Variants in NVL observed in about 807,000 individuals in gnomAD.
NVL encodes nuclear VCP like.
Under a neutral mutation model 110.2 loss-of-function variants are expected in NVL, and 84 were observed. That is an observed-to-expected ratio of 0.76 (90% CI 0.64 to 0.91). NVL has a LOEUF of 0.91. Among genes scored for constraint, NVL ranks in the 40% least tolerant of loss-of-function variants. The pLI is 0.00. For synonymous variants in NVL, 354 were observed against 361.1 expected, an observed-to-expected ratio of 0.98 and a Z score of 0.22; for missense variants, 882 against 1,035.9, an observed-to-expected ratio of 0.85 and a Z score of 2.04.
chr1:224,247,131 G>C (rs181050552), intron 19 of NVL, among the ~76,000 whole-genome samples: 11 of 151,790 alleles, frequency 7.2e-5, no homozygotes, highest in Non-Finnish European at 1.6e-4. Flanking sequence ...AAGCTTGTTT[G>C]ATGCAAAGAA....
intron 20 of NVL, among the ~76,000 whole-genome samples, chr1:224,234,530 G>A (rs913744076): frequency 3.3e-5 from 5 of 151,298 alleles, no homozygotes; most frequent in Admixed American, 6.6e-5. Context: ...TTGGCTCACC[G>A]CAACCTCTGC....
chr1:224,287,868 G>A lies in NVL; in HGVS notation c.1701C>T (p.Ala567=), dbSNP rs1332346950. 1 of 1,614,050 alleles carries A rather than the reference G, an allele frequency of 6.2e-7. No homozygotes were observed. The highest frequency in any genetic ancestry group is 8.5e-7 in the Non-Finnish European group (1 of 1,180,006). ...IVALSSVQPS[A]KREGFVTVPN... ...GGACAGTGACAAAGCCTTCCCTTTT[G>A]GCAGAGGGTTGGACTGAGGATAGAG... The change falls in exon 14 of 23, where the codon GCC becomes GCT. Residue 567 remains alanine (A), a synonymous_variant. Coordinates refer to ENST00000281701, the MANE Select transcript of NVL (RefSeq NM_002533.4).
chr1:224,280,639 A>G (rs1010463513), intron 16 of NVL, among the ~76,000 whole-genome samples: 3 of 152,222 alleles, frequency 2.0e-5, no homozygotes, highest in African/African-American at 7.2e-5. Context: ...TGTTACCCTC[A>G]TTTCTTCTTT....
Position 224,271,559 on chromosome 1 carries a change from T to C in NVL, c.2083-3426A>G, listed in dbSNP as rs140081889. On this transcript the variant is annotated intron_variant, in intron 17 of 22. Coordinates refer to ENST00000281701, the MANE Select transcript of NVL (RefSeq NM_002533.4). ...ATTTTTTTATGTTTCTGGAAAAAAT[T>C]CTAGAATGATGCATACTAAATGACA... is the stretch of plus-strand genomic sequence containing the variant. 8.4e-3 allele frequency among the ~76,000 whole-genome samples: 1,275 copies of C among 152,010 alleles called. 21 individuals are homozygous for C. Among genetic ancestry groups the C allele is most frequent in the African/African-American group, 0.028 (1,174 of 41,442 alleles).
chr1:224,320,471 A>G (rs1670530775), intron 2 of NVL, among the ~76,000 whole-genome samples: 2 of 151,886 alleles, frequency 1.3e-5, no homozygotes, highest in African/African-American at 4.8e-5. Flanking sequence ...ACATGGTAAA[A>G]CCCCATCTCT....
chr1:224,230,321 T>C (rs1659728756), intron 22 of NVL, among the ~76,000 whole-genome samples: 1 of 152,212 alleles, frequency 6.6e-6, no homozygotes, highest in Non-Finnish European at 1.5e-5. Flanking sequence ...TCTGAGATTG[T>C]GGGCTGGGCG....
chr1:224,281,176 T>G lies in NVL; in HGVS notation c.1909A>C (p.Asn637His), dbSNP rs151245412. The change falls in exon 16 of 23, where the codon AAT becomes CAT. Residue 637 changes from asparagine to histidine, a missense_variant. Around this residue, in one of 4 missense-constraint regions of NVL, gnomAD observed 416 missense variants for 499.3 expected, o/e 0.83. Transcript: ENST00000281701. ...GATATAAAATTTAGTCCGGACTCAT[T>G]TGCAACAGCCTAGCAAGAGGAAACA... The part of the protein sequence containing the change: ...GKTLLAKAVA[N>H]ESGLNFISVK... 81 of 1,613,624 alleles carry G rather than the reference T, an allele frequency of 5.0e-5. No homozygotes were observed. The highest frequency in any genetic ancestry group is 5.8e-5 in the Non-Finnish European group (68 of 1,179,846).
intron 5 of NVL, among the ~76,000 whole-genome samples, chr1:224,308,844 G>A (rs1425579351): frequency 3.9e-5 from 6 of 151,940 alleles, no homozygotes; most frequent in African/African-American, 1.4e-4. Flanking sequence ...GGCGGATCAC[G>A]AGGTCAGGAG....
chr1:224,312,883 T>C (rs951761569), intron 4 of NVL: 1 of 150,552 alleles, frequency 6.6e-6, no homozygotes, highest in Non-Finnish European at 1.5e-5. Flanking sequence ...TTAAATAATT[T>C]TTTTTTTTTT....
chr1:224,285,965 G>T, intron 15 of NVL, 61 bp downstream of exon 15: 4 of 1,270,934 alleles, frequency 3.1e-6, no homozygotes, highest in South Asian at 2.5e-5. Context: ...TTAAAGTTAA[G>T]TTCATATTAT....
intron 2 of NVL, among the ~76,000 whole-genome samples, chr1:224,324,105 T>C (rs180845537): frequency 6.6e-6 from 1 of 152,326 alleles, no homozygotes. Flanking sequence ...CTAGACTACA[T>C]GGTATAGCCT....
At chr1:224,321,888 C>T (rs938288673) in intron 2 of NVL, among the ~76,000 whole-genome samples, 11 of 151,814 alleles carry the variant, frequency 7.2e-5, no homozygotes, top group Non-Finnish European at 1.5e-4. Flanking sequence ...AGCAAGGCTT[C>T]TTGGTGACTT....
At chr1:224,242,413 G>C (rs1275235968) in intron 19 of NVL, among the ~76,000 whole-genome samples, 1 of 150,780 alleles carries the variant, frequency 6.6e-6, no homozygotes, top group Non-Finnish European at 1.5e-5. Flanking sequence ...AAATACTCAG[G>C]TTCAAAAAGT....
chr1:224,294,220 G>T, intron 12 of NVL, 47 bp downstream of exon 12: 6 of 1,600,136 alleles, frequency 3.7e-6, no homozygotes, highest in Non-Finnish European at 5.1e-6. Flanking sequence ...AAACCATTCA[G>T]TTAAGATGAC....
intron 19 of NVL, among the ~76,000 whole-genome samples, chr1:224,237,847 G>C (rs1216222595): frequency 6.7e-6 from 1 of 150,260 alleles, no homozygotes; most frequent in Non-Finnish European, 1.5e-5. Context: ...CCAGCTACTC[G>C]GGACACTGAG....
At chr1:224,316,296 T>C (rs1321424161) in intron 4 of NVL, among the ~76,000 whole-genome samples, 4 of 152,102 alleles carry the variant, frequency 2.6e-5, no homozygotes, top group Non-Finnish European at 4.4e-5. Context: ...AAAATCATGC[T>C]AAGTGAAAGA....
intron 20 of NVL, among the ~76,000 whole-genome samples, chr1:224,233,692 G>C (rs57413443): frequency 0.03 from 4,574 of 152,222 alleles, 224 homozygotes; most frequent in African/African-American, 0.1. Context: ...CCGGGAGGTG[G>C]CGGTTGCAAT....
chr1:224,316,685 G>GA (rs1670108455), intron 4 of NVL, among the ~76,000 whole-genome samples: 1 of 144,382 alleles, frequency 6.9e-6, no homozygotes, highest in African/African-American at 2.5e-5. Flanking sequence ...AAAAGAAAAA[G>GA]AAAAAAGTTT....
At chr1:224,294,073 T>G (rs1037570172) in intron 12 of NVL, among the ~76,000 whole-genome samples, 194 bp downstream of exon 12, 15 of 152,232 alleles carry the variant, frequency 9.9e-5, no homozygotes, top group Non-Finnish European at 2.2e-4. Context: ...GTGTTGGGAT[T>G]ACAGGCATGA....
Sources: allele counts gnomAD v4.1 joint callset (sites outside exome capture counted in the v4.1 genomes callset), GRCh38; gene constraint gnomAD v4.1.1; regional missense constraint gnomAD v4.1.1; transcripts MANE v1.5; gene names NCBI Gene and HGNC (gene_info 2026-07-23, HGNC 2026-07-21).